Variants in TGS1 observed in about 807,000 individuals in gnomAD.
The protein encoded by TGS1 is trimethylguanosine synthase.
A neutral mutation model predicts 92.2 loss-of-function variants in TGS1; 69 were observed. That is an observed-to-expected ratio of 0.75 (90% CI 0.62 to 0.91). TGS1 has a LOEUF of 0.91. Among genes scored for constraint, TGS1 ranks in the 40% least tolerant of loss-of-function variants. The pLI, the probability that TGS1 is intolerant of heterozygous loss-of-function variation, is 0.00. For synonymous variants in TGS1, 345 were observed against 338.1 expected, an observed-to-expected ratio of 1.02 and a Z score of -0.22; for missense variants, 1,062 against 1,001.2, an observed-to-expected ratio of 1.06 and a Z score of -0.82.
chr8:55,805,617 G>A lies in TGS1; in HGVS notation c.2143+581G>A, dbSNP rs1255607324. Among the ~76,000 whole-genome samples, 3 of 152,138 alleles carry A rather than the reference G, an allele frequency of 2.0e-5. No individual in the cohort carries two copies. The East Asian group carries it at 5.8e-4, about 29-fold the overall frequency. On this transcript the variant is annotated intron_variant, in intron 10 of 12. Transcript: ENST00000260129. ...ATTTTAAAAATTGGCCAGGCGTAGTGGCTTACCCCTGTAATCCCGGCACTT... is the reference window on the plus strand; with the variant it reads ...ATTTTAAAAATTGGCCAGGCGTAGTAGCTTACCCCTGTAATCCCGGCACTT...
intron 12 of TGS1, 27 bp from the exon 13 acceptor site, chr8:55,824,554 G>A: frequency 6.2e-7 from 1 of 1,613,884 alleles, no homozygotes; most frequent in Non-Finnish European, 8.5e-7. Flanking sequence ...AGGTGTGTGT[G>A]TGACTTTCTT....
chr8:55,790,840 C>T (rs1585766106), intron 5 of TGS1, among the ~76,000 whole-genome samples: 1 of 152,164 alleles, frequency 6.6e-6, no homozygotes, highest in Non-Finnish European at 1.5e-5. Flanking sequence ...CTTAATTTCT[C>T]ATCTATAAGA....
intron 12 of TGS1, among the ~76,000 whole-genome samples, chr8:55,817,836 A>G (rs893683737): frequency 4.6e-5 from 7 of 152,184 alleles, no homozygotes; most frequent in South Asian, 4.1e-4. Context: ...AACTCAGAGC[A>G]CTCACAAGTG....
chr8:55,788,945 A>C (rs1811798305), intron 4 of TGS1, among the ~76,000 whole-genome samples: 1 of 152,132 alleles, frequency 6.6e-6, no homozygotes. Flanking sequence ...TTTCTTTGGC[A>C]GACACAGTAA....
At chr8:55,803,431 C>T (rs950688157) in intron 9 of TGS1, among the ~76,000 whole-genome samples, 1 of 152,042 alleles carries the variant, frequency 6.6e-6, no homozygotes, top group South Asian at 2.1e-4. Flanking sequence ...ATCAGAAGTT[C>T]TTGATCTATG....
At position 55,773,600 on chromosome 8, in the gene TGS1, C is replaced by G. The variant is rs767184958; in HGVS notation, c.-19C>G. ...GCGACCCGGGCTGCGTACGTCAGAG[C>G]TGCCTCCGAAGTGGTAAAATGTGCT... On this transcript the variant is annotated 5_prime_UTR_variant, in exon 1 of 13. Transcript: ENST00000260129. 6.3e-7 allele frequency: 1 copy of G among 1,599,032 alleles called. No homozygotes were observed. Among genetic ancestry groups the G allele is most frequent in the Non-Finnish European group, 8.5e-7 (1 of 1,171,944 alleles).
chr8:55,779,668 G>A (rs906890392), intron 1 of TGS1, among the ~76,000 whole-genome samples: 21 of 152,158 alleles, frequency 1.4e-4, no homozygotes, highest in Non-Finnish European at 1.5e-5. Flanking sequence ...TAAAAGAGAA[G>A]AAAGAATATA....
chr8:55,793,487 C>CA (rs879329833), intron 6 of TGS1, among the ~76,000 whole-genome samples: 9 of 151,410 alleles, frequency 5.9e-5, no homozygotes, highest in Non-Finnish European at 1.3e-4. Flanking sequence ...GTGAGACTCT[C>CA]AAAAAAAAGA....
intron 9 of TGS1, among the ~76,000 whole-genome samples, chr8:55,804,105 C>T (rs1812296027): frequency 1.3e-5 from 2 of 152,166 alleles, no homozygotes; most frequent in Admixed American, 6.5e-5. Context: ...AACCCTATGG[C>T]CTTTTGCCAT....
chr8:55,778,081 G>A (rs1480657543), intron 1 of TGS1, among the ~76,000 whole-genome samples: 3 of 151,948 alleles, frequency 2.0e-5, no homozygotes, highest in Admixed American at 1.3e-4. Flanking sequence ...AGACCAGTCT[G>A]GGCAACATGG....
At chr8:55,803,985 A>T (rs1004867685) in intron 9 of TGS1, among the ~76,000 whole-genome samples, 1 of 151,958 alleles carries the variant, frequency 6.6e-6, no homozygotes, top group Non-Finnish European at 1.5e-5. Context: ...AAAAATGTAA[A>T]TTTTTTCTAC....
At chr8:55,774,260 T>G (rs1811314052) in intron 1 of TGS1, among the ~76,000 whole-genome samples, 8 of 152,222 alleles carry the variant, frequency 5.3e-5, no homozygotes. Flanking sequence ...ATAGCTAGTA[T>G]GCAGGAATAA....
chr8:55,775,456 T>C (rs1358470596), intron 1 of TGS1, among the ~76,000 whole-genome samples: 1 of 151,994 alleles, frequency 6.6e-6, no homozygotes, highest in East Asian at 1.9e-4. Context: ...TTAAGACCAT[T>C]GTTTAGGCAA....
chr8:55,804,968 A>T lies in TGS1; in HGVS notation c.2075A>T (p.Asp692Val), dbSNP rs1267236620. 3.1e-6 allele frequency: 5 copies of T among 1,613,914 alleles called. No individual in the cohort carries two copies. The highest frequency in any genetic ancestry group is 3.4e-6 in the Non-Finnish European group (4 of 1,179,982). Residue 692 changes from aspartate (D) to valine (V), a missense_variant, in exon 10 of 13, where the codon GAC becomes GTC. Transcript: ENST00000260129. ...CGTGTTAGTCAGTCCTTCAAGTGTG[A>T]CGTTGTAGTAGACGCATTCTGTGGA... ...AGRVSQSFKC[D>V]VVVDAFCGVG... is the part of the protein sequence containing the mutation.
intron 6 of TGS1, among the ~76,000 whole-genome samples, chr8:55,793,742 ATTT>A (rs1380136580): frequency 3.0e-5 from 3 of 100,892 alleles, no homozygotes; most frequent in Non-Finnish European, 6.4e-5. Flanking sequence ...TAATTTATTT[ATTT>A]ATTTATTTAT....
rs968937098 is a variant in TGS1 at position 55,811,071 on chromosome 8, C to T, written c.2334C>T (p.Asp778=). Residue 778 remains aspartate (D), a synonymous_variant, in exon 11 of 13, where the codon GAC becomes GAT. Coordinates refer to ENST00000260129, the MANE Select transcript of TGS1 (RefSeq NM_024831.8). Reference sequence around the variant, plus strand: ...ACTATGCCACTGCAGAGACCTTTGACATTAGAACAATGATGTCTCCTGATG... The same window carrying T: ...ACTATGCCACTGCAGAGACCTTTGATATTAGAACAATGATGTCTCCTGATG... ...GPDYATAETF[D]IRTMMSPDGF... 3 of 1,609,324 alleles carry T rather than the reference C, an allele frequency of 1.9e-6. No homozygotes were observed. The highest frequency in any genetic ancestry group is 1.3e-5 in the African/African-American group (1 of 74,530).
intron 1 of TGS1, among the ~76,000 whole-genome samples, chr8:55,776,555 A>T (rs539128126): frequency 1.1e-3 from 162 of 152,282 alleles, no homozygotes; most frequent in Admixed American, 3.6e-3. Flanking sequence ...CTGGGATTAC[A>T]GGCGTGAGCC....
chr8:55,816,875 T>A (rs1563470801), intron 12 of TGS1, among the ~76,000 whole-genome samples: 2 of 152,212 alleles, frequency 1.3e-5, no homozygotes, highest in South Asian at 2.1e-4. Context: ...TTTTTTTTTT[T>A]TTTGAGACAG....
chr8:55,803,373 G>A (rs1023033928), intron 9 of TGS1, among the ~76,000 whole-genome samples: 18 of 152,004 alleles, frequency 1.2e-4, no homozygotes, highest in African/African-American at 4.1e-4. Flanking sequence ...ACTGATGCTC[G>A]TTTTCATATT....
Sources: allele counts gnomAD v4.1 joint callset (sites outside exome capture counted in the v4.1 genomes callset), GRCh38; gene constraint gnomAD v4.1.1; transcripts MANE v1.5; gene names NCBI Gene and HGNC (gene_info 2026-07-23, HGNC 2026-07-21).